TENM1: variants seen among roughly 807,000 people sequenced by gnomAD.
TENM1 encodes the protein teneurin-1.
Under a neutral mutation model 174.8 loss-of-function variants are expected in TENM1, and 35 were observed. The observed-to-expected ratio is 0.20, with a 90% CI of 0.15 to 0.27. The LOEUF (loss-of-function observed/expected upper bound fraction) is 0.27. TENM1 is among the 10% of genes least tolerant of loss of function. The probability of loss-of-function intolerance (pLI) is 1.00; values close to 1 mark genes in which losing one functional copy is unlikely to be tolerated. For synonymous variants in TENM1, 781 were observed against 798.7 expected, an observed-to-expected ratio of 0.98 and a Z score of 0.37; for missense variants, 1,633 against 2,130.1, an observed-to-expected ratio of 0.77 and a Z score of 4.59.
rs776321617 is a variant in TENM1 at position 124,759,322 on chromosome X, T to A, written c.536-22125A>T. On this transcript the variant is annotated intron_variant, in intron 3 of 31. Coordinates refer to ENST00000422452, the Ensembl canonical transcript of TENM1. ...GTTTTAATAGATAGAAATAGTTTTT[T>A]AAAAAAAAAATTATTTCCATAAGCT... 4.9e-3 allele frequency among the ~76,000 whole-genome samples: 542 copies of A among 109,603 alleles called. 1 individual carries two copies. The highest frequency in any genetic ancestry group is 7.5e-3 in the Non-Finnish European group (392 of 52,314).
chrX:125,076,112 C>G, the TENM1 span, among the ~76,000 whole-genome samples: 1 of 111,486 alleles, frequency 9.0e-6, no homozygotes, highest in Non-Finnish European at 1.9e-5. Flanking sequence ...AATCTCTACT[C>G]TTACAAAGGT....
intron 25 of TENM1, among the ~76,000 whole-genome samples, chrX:124,408,234 C>T (rs1486486739): frequency 9.1e-6 from 1 of 109,777 alleles, no homozygotes; most frequent in African/African-American, 3.3e-5. Context: ...CTCCACCTCC[C>T]GGGTTCAAGC....
At chrX:124,960,803 G>T (rs1233489620) in intron 1 of TENM1, among the ~76,000 whole-genome samples, 1 of 112,067 alleles carries the variant, frequency 8.9e-6, no homozygotes, top group East Asian at 2.8e-4. Flanking sequence ...CAAACTTACA[G>T]ATAAGTATTT....
At chrX:124,776,254 T>A (rs914375819) in intron 3 of TENM1, among the ~76,000 whole-genome samples, 2 of 111,535 alleles carry the variant, frequency 1.8e-5, no homozygotes, top group African/African-American at 6.5e-5. Flanking sequence ...AGCATAAAAC[T>A]GAACCCAGAA....
intron 3 of TENM1, among the ~76,000 whole-genome samples, chrX:124,818,844 T>C (rs1205883178): frequency 8.9e-6 from 1 of 111,785 alleles, no homozygotes; most frequent in Non-Finnish European, 1.9e-5. Context: ...TCTTTGGAGG[T>C]TACCATTATT....
intron 13 of TENM1, among the ~76,000 whole-genome samples, chrX:124,562,400 G>A (rs181934602): frequency 6.3e-5 from 7 of 111,721 alleles, no homozygotes; most frequent in Admixed American, 4.8e-4. Flanking sequence ...ATTCATCTGC[G>A]GGCTAACGAT....
At chrX:125,162,904 C>T in the TENM1 span, among the ~76,000 whole-genome samples, 5 of 111,293 alleles carry the variant, frequency 4.5e-5, no homozygotes, top group Non-Finnish European at 9.4e-5. Flanking sequence ...TACTCTACTT[C>T]CTGAATGCCC....
chrX:124,584,579 T>C (rs754718483), intron 11 of TENM1, among the ~76,000 whole-genome samples: 101 of 110,738 alleles, frequency 9.1e-4, no homozygotes, highest in African/African-American at 3.2e-3. Flanking sequence ...CACTGCAAAA[T>C]CAAGCCAAAA....
At chrX:125,094,674 T>A in the TENM1 span, among the ~76,000 whole-genome samples, 24 of 112,161 alleles carry the variant, frequency 2.1e-4, no homozygotes, top group South Asian at 8.6e-3. Flanking sequence ...TTGAGATATG[T>A]TTTGGGTTCT....
At chrX:124,507,441 G>A (rs1173461604) in intron 18 of TENM1, among the ~76,000 whole-genome samples, 2 of 111,237 alleles carry the variant, frequency 1.8e-5, no homozygotes, top group African/African-American at 3.3e-5. Context: ...CTAGATAGTC[G>A]TGTTACTTTT....
chrX:124,728,549 T>C (rs1219985354), intron 4 of TENM1, among the ~76,000 whole-genome samples: 2 of 111,575 alleles, frequency 1.8e-5, no homozygotes, highest in Non-Finnish European at 3.8e-5. Context: ...AACAAAATGA[T>C]TTTTAGGCCA....
chrX:124,587,444 T>G (rs1043690712), intron 11 of TENM1, among the ~76,000 whole-genome samples: 7 of 109,293 alleles, frequency 6.4e-5, no homozygotes, highest in Non-Finnish European at 1.1e-4. Context: ...GGGGAAAGGA[T>G]TCCCTATTTA....
upstream of TENM1, among the ~76,000 whole-genome samples, chrX:124,966,153 T>C (rs1217411149): frequency 4.5e-5 from 5 of 111,748 alleles, no homozygotes; most frequent in Admixed American, 9.5e-5. Flanking sequence ...GTTCAAGCCA[T>C]CATATCCCTC....
intron 27 of TENM1, among the ~76,000 whole-genome samples, chrX:124,402,031 C>T (rs939727348): frequency 5.9e-4 from 66 of 112,146 alleles, no homozygotes; most frequent in African/African-American, 1.9e-3. Flanking sequence ...CAAGGCAGCA[C>T]AGTGTGATGC....
intron 1 of TENM1, among the ~76,000 whole-genome samples, chrX:124,951,845 A>G (rs996075343): frequency 3.7e-5 from 4 of 109,524 alleles, no homozygotes; most frequent in African/African-American, 1.3e-4. Context: ...TTATAAAATC[A>G]TGGTGGCAGA....
At chrX:125,018,839 G>A in the TENM1 span, among the ~76,000 whole-genome samples, 96 of 111,320 alleles carry the variant, frequency 8.6e-4, no homozygotes, top group Non-Finnish European at 1.0e-3. Context: ...TAATATGAGC[G>A]GACAGATCTT....
At chrX:124,507,430 T>G (rs994081247) in intron 18 of TENM1, among the ~76,000 whole-genome samples, 2 of 111,480 alleles carry the variant, frequency 1.8e-5, no homozygotes, top group Admixed American at 1.9e-4. Context: ...TCACTAATTG[T>G]CTAGATAGTC....
exon 17 of TENM1, chrX:124,523,575 C>T (rs1235997419): frequency 1.7e-6 from 2 of 1,211,059 alleles, no homozygotes; most frequent in Non-Finnish European, 1.1e-6. Context: ...GAAAGGGGAT[C>T]GGTCGAAGAT....
At chrX:125,176,091 A>G in the TENM1 span, among the ~76,000 whole-genome samples, 2 of 111,607 alleles carry the variant, frequency 1.8e-5, no homozygotes, top group Non-Finnish European at 3.8e-5. Context: ...TAGAGGAAAA[A>G]CACTGATGGT....
Sources: allele counts gnomAD v4.1 joint callset (sites outside exome capture counted in the v4.1 genomes callset), GRCh38; gene constraint gnomAD v4.1.1; transcripts MANE v1.5; gene names NCBI Gene and HGNC (gene_info 2026-07-23, HGNC 2026-07-21).